The following CCDC57 variants were observed in gnomAD, a reference collection of about 807,000 sequenced individuals.
The protein encoded by CCDC57 is coiled-coil domain containing 57.
A neutral mutation model predicts 118.9 loss-of-function variants in CCDC57; 118 were observed. That is an observed-to-expected ratio of 0.99 (90% CI 0.86 to 1.16). CCDC57 has a LOEUF of 1.16. Ranked by LOEUF, CCDC57 falls within the 50% of genes most tolerant of loss-of-function variation. CCDC57 has a pLI of 0.00. For missense variants in CCDC57, 1,300 were observed against 1,320.7 expected (o/e 0.98, Z 0.24); for synonymous variants, 527 against 532.9 (o/e 0.99, Z 0.15).
chr17:82,171,795 C>T (rs377262404), exon 13 of CCDC57: 31 of 1,613,938 alleles, frequency 1.9e-5, no homozygotes, highest in Non-Finnish European at 2.5e-5. Context: ...GATGCTTTTC[C>T]AGAGTTTTAA....
chr17:82,171,722 G>A (rs1462532925), exon 13 of CCDC57: 3 of 1,612,580 alleles, frequency 1.9e-6, no homozygotes, highest in African/African-American at 2.7e-5. Context: ...GTCGAGGTGC[G>A]GACGCTGGGC....
chr17:82,190,695 CAAAAAA>C (rs533549239), intron 7 of CCDC57, among the ~76,000 whole-genome samples: 3 of 49,960 alleles, frequency 6.0e-5, no homozygotes, highest in African/African-American at 2.1e-4. Context: ...GACTCTGTCT[CAAAAAA>C]AAAAAAAAAA....
At chr17:82,198,885 C>T (rs1408880538) in intron 3 of CCDC57, among the ~76,000 whole-genome samples, 2 of 149,600 alleles carry the variant, frequency 1.3e-5, no homozygotes, top group East Asian at 2.0e-4. Context: ...CCCAGCTACT[C>T]GGGAGGCTGA....
intron 5 of CCDC57, 37 bp downstream of exon 4, chr17:82,195,226 C>G (rs371022280): frequency 6.6e-7 from 1 of 1,504,134 alleles, no homozygotes; most frequent in East Asian, 2.4e-5. Context: ...AAGGAAAAAC[C>G]GAAAAACCTT....
chr17:82,176,015 T>C (rs1440581671), intron 11 of CCDC57, among the ~76,000 whole-genome samples: 3 of 152,244 alleles, frequency 2.0e-5, no homozygotes, highest in Admixed American at 1.3e-4. Context: ...CTGTACAATG[T>C]TGGCAGAAGA....
At chr17:82,194,331 G>C (rs2048041944) in intron 5 of CCDC57, 192 bp from the exon 5 acceptor site, 1 of 581,886 alleles carries the variant, frequency 1.7e-6, no homozygotes, top group Non-Finnish European at 2.9e-6. Flanking sequence ...TCTTTTTGGA[G>C]ACAGAGTCTT....
At chr17:82,189,254 T>C (rs1437980964) in intron 7 of CCDC57, among the ~76,000 whole-genome samples, 1 of 152,006 alleles carries the variant, frequency 6.6e-6, no homozygotes, top group East Asian at 1.9e-4. Flanking sequence ...AGTGACACAG[T>C]GAGACCCTGT....
chr17:82,136,087 A>G (rs1486828239), intron 16 of CCDC57, among the ~76,000 whole-genome samples: 2 of 152,156 alleles, frequency 1.3e-5, no homozygotes, highest in Non-Finnish European at 2.9e-5. Flanking sequence ...TTAGACACAG[A>G]ATTCCCACAT....
chr17:82,191,674 GA>G (rs1336828348), intron 7 of CCDC57, among the ~76,000 whole-genome samples: 2 of 151,986 alleles, frequency 1.3e-5, no homozygotes, highest in African/African-American at 4.8e-5. Flanking sequence ...TATTTTCTAA[GA>G]TTTTTTTTTA....
intron 16 of CCDC57, among the ~76,000 whole-genome samples, chr17:82,147,665 GTGGGTGGGTGAATGGATGAA>G (rs2040977608): frequency 7.8e-6 from 1 of 128,826 alleles, no homozygotes. Flanking sequence ...ACATGGAAGG[GTGGGTGGGTGAATGGATGAA>G]TGGGTGGGTG....
intron 13 of CCDC57, among the ~76,000 whole-genome samples, chr17:82,171,049 G>T: frequency 6.6e-6 from 1 of 151,962 alleles, no homozygotes; most frequent in East Asian, 1.9e-4. Context: ...AGGGAGCGCT[G>T]ACTGCAGTGA....
At chr17:82,110,460 C>T (rs2035164358) in intron 19 of CCDC57, among the ~76,000 whole-genome samples, 1 of 152,206 alleles carries the variant, frequency 6.6e-6, no homozygotes, top group Admixed American at 6.5e-5. Flanking sequence ...CCCATGTCCT[C>T]CTGGCAAAAA....
intron 14 of CCDC57, among the ~76,000 whole-genome samples, chr17:82,161,308 A>C (rs4789741): frequency 0.47 from 70,784 of 151,654 alleles, 17,292 homozygotes; most frequent in East Asian, 0.88. Context: ...TCAGAGGGTT[A>C]AACACAGAGT....
At chr17:82,201,372 C>T (rs1295256186) in intron 3 of CCDC57, among the ~76,000 whole-genome samples, 166 bp downstream of exon 2, 2 of 152,244 alleles carry the variant, frequency 1.3e-5, no homozygotes, top group East Asian at 3.8e-4. Context: ...GTTCAGAGGC[C>T]ACGAGGCACT....
rs909519818 is a variant in CCDC57 at position 82,118,059 on chromosome 17, C to T, written c.2899+9633G>A. Among the ~76,000 whole-genome samples, 1 of 152,196 alleles carries T rather than the reference C, an allele frequency of 6.6e-6. No homozygotes were observed. Among genetic ancestry groups the T allele is most frequent in the Non-Finnish European group, 1.5e-5 (1 of 68,024 alleles). ...GCCGATGCGGCGGCTCACAAAACTACCAGAAAGATCTGTCGGCTCTGTGTG... is the reference window on the plus strand; with the variant it reads ...GCCGATGCGGCGGCTCACAAAACTATCAGAAAGATCTGTCGGCTCTGTGTG... On this transcript the variant is annotated intron_variant, in intron 19 of 19. Coordinates refer to ENST00000665763, the Ensembl canonical transcript of CCDC57. This position sits in a 1 kb window ranked among gnomAD's most constrained non-coding sequence, Gnocchi z 4.7.
Position 82,132,207 on chromosome 17 carries a change from CAG to C in CCDC57, c.2577+1864_2577+1865del, listed in dbSNP as rs1311322559. Among the ~76,000 whole-genome samples the C allele has an allele frequency of 4.6e-5, 7 of 150,914 alleles. No individual in the cohort carries two copies. In the East Asian group the frequency reaches 1.4e-3, roughly 29 times the overall value. ...AGAAATAAGGTCAAGCTTGCTCTAA[CAG>C]ATATTAAAATAGGTCACAAAGCCAC... On this transcript the variant is annotated intron_variant, in intron 17 of 19. Coordinates refer to ENST00000665763, the Ensembl canonical transcript of CCDC57.
intron 16 of CCDC57, among the ~76,000 whole-genome samples, chr17:82,151,235 A>G (rs58451648): frequency 3.3e-4 from 20 of 60,838 alleles, no homozygotes; most frequent in Admixed American, 5.3e-4. Flanking sequence ...AGAACCTGGC[A>G]CACACCCAGA....
intron 19 of CCDC57, chr17:82,107,729 A>G: frequency 2.5e-6 from 1 of 402,740 alleles, no homozygotes; most frequent in South Asian, 1.8e-5. Context: ...GGACTGGAGA[A>G]GACACATTAG....
At chr17:82,178,403 T>C in intron 11 of CCDC57, 71 bp downstream of exon 10, 2 of 1,503,856 alleles carry the variant, frequency 1.3e-6, no homozygotes, top group Non-Finnish European at 1.8e-6. Flanking sequence ...TGGTAGGATT[T>C]GGGGATCTGG....
Sources: allele counts gnomAD v4.1 joint callset (sites outside exome capture counted in the v4.1 genomes callset), GRCh38; gene constraint gnomAD v4.1.1; non-coding constraint Gnocchi (gnomAD v3.1); transcripts MANE v1.5; gene names NCBI Gene and HGNC (gene_info 2026-07-23, HGNC 2026-07-21).